The following MYO10 variants were observed in gnomAD, a reference collection of about 807,000 sequenced individuals.
MYO10 encodes the protein unconventional myosin-X.
MYO10 carries 133 observed loss-of-function variants against 257.3 expected under a neutral mutation model. That is an observed-to-expected ratio of 0.52 (90% confidence interval 0.45 to 0.60). MYO10 has a LOEUF of 0.60. Ranked by LOEUF, MYO10 falls within the 20% of genes least tolerant of loss-of-function variation. The pLI is 0.00. For synonymous variants in MYO10, 1,104 were observed against 1,028.6 expected (o/e 1.07, Z -1.40); for missense variants, 2,399 against 2,635.7 (o/e 0.91, Z 1.97).
At chr5:16,826,493 G>A (rs994497727) in intron 2 of MYO10, among the ~76,000 whole-genome samples, 1 of 152,206 alleles carries the variant, frequency 6.6e-6, no homozygotes. Context: ...ATTCTATGAG[G>A]AAAAAGCAAG....
At chr5:16,904,434 T>A (rs1745465654) in intron 1 of MYO10, among the ~76,000 whole-genome samples, 1 of 152,152 alleles carries the variant, frequency 6.6e-6, no homozygotes, top group Non-Finnish European at 1.5e-5. Context: ...GAAGCACAGG[T>A]GCAGCAACCT....
At chr5:16,933,983 A>C (rs1417531806) in intron 1 of MYO10, among the ~76,000 whole-genome samples, 1 of 152,236 alleles carries the variant, frequency 6.6e-6, no homozygotes, top group Non-Finnish European at 1.5e-5. Flanking sequence ...AAGCTGGGCA[A>C]GGGACTTACT....
In MYO10 at chr5:16,680,012, G is replaced by A; in HGVS notation, c.4477C>T (p.Gln1493Ter). 1.2e-6 allele frequency: 2 copies of A among 1,613,870 alleles called. No homozygotes were observed. The highest frequency in any genetic ancestry group is 1.7e-6 in the Non-Finnish European group (2 of 1,179,864). The change falls in exon 33 of 41, where the codon CAA becomes TAA. Residue 1493 changes from glutamine to a stop codon, truncating the protein, a stop_gained. Transcript: ENST00000513610. LOFTEE classifies it high-confidence loss of function. ...NEATRWSSAI[Q>*]NVTDTKAPID... Reference sequence around the variant, plus strand: ...GGGGCCTTGGTGTCAGTCACGTTTTGAATGGCACTGGACCACCGGGTGGCC... The same window carrying A: ...GGGGCCTTGGTGTCAGTCACGTTTTAAATGGCACTGGACCACCGGGTGGCC...
At chr5:16,897,302 T>TAAAA (rs3060810) in intron 1 of MYO10, among the ~76,000 whole-genome samples, 32,899 of 128,444 alleles carry the variant, frequency 0.26, 4,857 homozygotes, top group Admixed American at 0.38. Context: ...TTACACTTCG[T>TAAAA]AAAAAAAAAA....
At chr5:16,684,830 T>C (rs1161332677) in intron 29 of MYO10, among the ~76,000 whole-genome samples, 3 of 152,158 alleles carry the variant, frequency 2.0e-5, no homozygotes, top group Admixed American at 6.5e-5. Flanking sequence ...GTGGATTGCC[T>C]GAGCTCAGGA....
intron 2 of MYO10, among the ~76,000 whole-genome samples, chr5:16,841,252 A>G (rs185235): frequency 0.19 from 29,501 of 152,114 alleles, 2,843 homozygotes; most frequent in East Asian, 0.28. Flanking sequence ...TTTTCAAATG[A>G]ATCAGTTTTA....
At chr5:16,835,433 T>C (rs1389648513) in intron 2 of MYO10, among the ~76,000 whole-genome samples, 2 of 148,634 alleles carry the variant, frequency 1.3e-5, no homozygotes, top group African/African-American at 4.9e-5. Context: ...CTCGGGAAGC[T>C]GAGGCACAAG....
At chr5:16,919,184 A>C (rs13171937) in intron 1 of MYO10, among the ~76,000 whole-genome samples, 10,488 of 151,770 alleles carry the variant, frequency 0.069, 427 homozygotes, top group African/African-American at 0.11. Context: ...TCAAGACCAG[A>C]CTGGCCAACA....
At chr5:16,891,985 T>C (rs1745073630) in intron 1 of MYO10, among the ~76,000 whole-genome samples, 1 of 152,240 alleles carries the variant, frequency 6.6e-6, no homozygotes, top group African/African-American at 2.4e-5. Flanking sequence ...GTGCTTTGAC[T>C]AGTATTTACA....
chr5:16,882,717 A>G (rs1744789098), intron 1 of MYO10, among the ~76,000 whole-genome samples: 1 of 152,172 alleles, frequency 6.6e-6, no homozygotes, highest in Non-Finnish European at 1.5e-5. Flanking sequence ...ATAGACACAG[A>G]CAATAGATGA....
intron 18 of MYO10, among the ~76,000 whole-genome samples, chr5:16,756,660 G>C (rs1390605753): frequency 6.6e-6 from 1 of 152,114 alleles, no homozygotes; most frequent in Admixed American, 6.6e-5. Flanking sequence ...CTGTCCGGCT[G>C]GTGTTCTACT....
chr5:16,883,896 C>G (rs1320007234), intron 1 of MYO10, among the ~76,000 whole-genome samples: 1 of 152,178 alleles, frequency 6.6e-6, no homozygotes, highest in Non-Finnish European at 1.5e-5. Context: ...ACAGCATGTT[C>G]TAATTACAGG....
At chr5:16,879,360 A>T (rs186807912) in intron 1 of MYO10, among the ~76,000 whole-genome samples, 9 of 152,304 alleles carry the variant, frequency 5.9e-5, no homozygotes, top group Non-Finnish European at 1.2e-4. Context: ...TTAAACACAG[A>T]GTTGGCAGGG....
At chr5:16,740,813 C>T (rs1031245500) in intron 19 of MYO10, among the ~76,000 whole-genome samples, 1 of 151,674 alleles carries the variant, frequency 6.6e-6, no homozygotes, top group Non-Finnish European at 1.5e-5. Context: ...TTCCCATAGA[C>T]AACTTACCTT....
In MYO10 at chr5:16,877,653, A is replaced by T. The variant is rs746101326; in HGVS notation, c.76T>A (p.Ser26Thr). The change falls in exon 2 of 41, where the codon TCC becomes ACC. Residue 26 changes from serine (S) to threonine (T), a missense_variant. Transcript: ENST00000513610. ...AAGACGACGATGCCTTCTGCACAGG[A>T]ATTTACAGTACTTGGAAAATGCTGG... ...NGQHFPSTVNSCAEGIVVFRT... is the reference protein window; with the variant it reads ...NGQHFPSTVNTCAEGIVVFRT... The T allele has an allele frequency of 3.1e-6, 5 of 1,613,746 alleles. No homozygotes were observed. Among genetic ancestry groups the T allele is most frequent in the Non-Finnish European group, 4.2e-6 (5 of 1,179,868 alleles).
chr5:16,767,605 A>G (rs536120843), intron 10 of MYO10, among the ~76,000 whole-genome samples: 58 of 152,136 alleles, frequency 3.8e-4, no homozygotes, highest in Non-Finnish European at 7.1e-4. Context: ...TTAGTATGCA[A>G]TGGGTTTATT....
At chr5:16,884,657 CTTT>C (rs34750487) in intron 1 of MYO10, among the ~76,000 whole-genome samples, 1 of 143,432 alleles carries the variant, frequency 7.0e-6, no homozygotes. Context: ...CTGTTTTCGT[CTTT>C]TTTTTTTTTT....
chr5:16,674,947 C>T lies in MYO10; in HGVS notation c.4870G>A (p.Gly1624Ser). 1 of 1,613,964 alleles carries T rather than the reference C, an allele frequency of 6.2e-7. No individual in the cohort carries two copies. Among genetic ancestry groups the T allele is most frequent in the Non-Finnish European group, 8.5e-7 (1 of 1,179,890 alleles). ...TNKVPHPGSV[G>S]NLYSWQILTC... ...AGGATCTGCCAGCTGTACAGGTTGC[C>T]CACACTGCCGGGGTGGGGCACTTTG... is the stretch of plus-strand genomic sequence containing the variant. The change falls in exon 35 of 41, where the codon GGC becomes AGC. Residue 1624 changes from glycine (G) to serine (S), a missense_variant. Physicochemically the swap from Gly to Ser is moderately conservative, Grantham distance 56. Transcript: ENST00000513610.
intron 1 of MYO10, among the ~76,000 whole-genome samples, chr5:16,896,325 G>A (rs1233617560): frequency 6.6e-6 from 1 of 152,048 alleles, no homozygotes; most frequent in Non-Finnish European, 1.5e-5. Flanking sequence ...GCCAGGCACG[G>A]TGGCTCATGC....
Sources: allele counts gnomAD v4.1 joint callset (sites outside exome capture counted in the v4.1 genomes callset), GRCh38; gene constraint gnomAD v4.1.1; transcripts MANE v1.5; gene names NCBI Gene and HGNC (gene_info 2026-07-23, HGNC 2026-07-21).